The following CHMP3 variants were observed in gnomAD, a reference collection of about 807,000 sequenced individuals.
The protein encoded by CHMP3 is charged multivesicular body protein 3.
A neutral mutation model predicts 27.4 loss-of-function variants in CHMP3; 8 were observed. The ratio of observed to expected loss-of-function variants is 0.29; its 90% CI spans 0.17 to 0.53. CHMP3 has a LOEUF of 0.53. Among genes scored for constraint, CHMP3 ranks in the 20% least tolerant of loss-of-function variants. CHMP3 has a pLI of 0.96. For synonymous variants in CHMP3, 86 were observed against 85.5 expected (o/e 1.01, Z -0.03); for missense variants, 208 against 271.5 (o/e 0.77, Z 1.64).
intron 1 of CHMP3, among the ~76,000 whole-genome samples, chr2:86,549,450 G>A (rs1244319917): frequency 1.1e-4 from 16 of 145,898 alleles, no homozygotes; most frequent in African/African-American, 3.9e-4. Context: ...TCCCAGATGG[G>A]GTGGCCGGGC....
At chr2:86,514,790 C>T (rs1421021515) in intron 3 of CHMP3, among the ~76,000 whole-genome samples, 1 of 151,992 alleles carries the variant, frequency 6.6e-6, no homozygotes, top group Non-Finnish European at 1.5e-5. Flanking sequence ...TTCAAAGTAT[C>T]GTTATATATT....
intron 3 of CHMP3, among the ~76,000 whole-genome samples, chr2:86,520,550 G>A (rs1412916135): frequency 6.6e-6 from 1 of 152,128 alleles, no homozygotes; most frequent in Non-Finnish European, 1.5e-5. Context: ...AATTCAACAT[G>A]AGATTTAGGT....
intron 1 of CHMP3, among the ~76,000 whole-genome samples, chr2:86,546,556 G>C (rs958763921): frequency 3.3e-5 from 5 of 151,674 alleles, no homozygotes; most frequent in African/African-American, 1.2e-4. Flanking sequence ...TCCTGCCTCA[G>C]CCTCCCAAGT....
At chr2:86,561,712 T>A (rs1260704290) in intron 1 of CHMP3, 1 of 152,238 alleles carries the variant, frequency 6.6e-6, no homozygotes, top group Non-Finnish European at 1.5e-5. Flanking sequence ...TCAATCAGCT[T>A]TCTCAGGTAG....
At chr2:86,550,240 G>A (rs1414018716) in intron 1 of CHMP3, among the ~76,000 whole-genome samples, 1 of 152,244 alleles carries the variant, frequency 6.6e-6, no homozygotes, top group Admixed American at 6.5e-5. Flanking sequence ...GTCAGGCGTG[G>A]CGGCGCACGC....
chr2:86,545,551 G>A (rs1304268972), intron 1 of CHMP3, among the ~76,000 whole-genome samples: 15 of 113,600 alleles, frequency 1.3e-4, no homozygotes, highest in East Asian at 6.3e-4. Context: ...GGCGACTGCC[G>A]GGCAGAGGCG....
At chr2:86,521,286 C>T (rs144080411) in intron 3 of CHMP3, among the ~76,000 whole-genome samples, 18 of 152,230 alleles carry the variant, frequency 1.2e-4, no homozygotes, top group Admixed American at 3.9e-4. Flanking sequence ...CACATGGACG[C>T]GCATGAAAAC....
At chr2:86,545,923 C>G (rs558383063) in intron 1 of CHMP3, among the ~76,000 whole-genome samples, 3 of 151,788 alleles carry the variant, frequency 2.0e-5, no homozygotes, top group African/African-American at 7.3e-5. Context: ...AGAGGATGGG[C>G]GGCCAGGCAG....
chr2:86,522,083 T>G (rs1027023245), intron 3 of CHMP3, among the ~76,000 whole-genome samples: 7 of 152,164 alleles, frequency 4.6e-5, no homozygotes, highest in African/African-American at 1.7e-4. Flanking sequence ...CAGAAAGCTG[T>G]CACCTGGAAA....
chr2:86,545,414 A>G lies in CHMP3; in HGVS notation c.46-3102T>C, dbSNP rs6744033. On this transcript the variant is annotated intron_variant, in intron 1 of 5. Coordinates refer to ENST00000263856, the MANE Select transcript of CHMP3 (RefSeq NM_016079.4). The stretch of plus-strand genomic sequence containing the variant: ...CGGGCAGAGGCGCTCCCCACTTCCC[A>G]GACGGGGTGGCCGGGCAGAGGCGCT... Among the ~76,000 whole-genome samples the G allele has an allele frequency of 6.6e-3, 855 of 128,772 alleles. 38 individuals are homozygous for G. The highest frequency in any genetic ancestry group is 0.023 in the African/African-American group (711 of 31,114). 84.5% of individuals were successfully genotyped at this position (128,772 alleles called of 152,430 possible). A position where few individuals can be genotyped will look rare whatever the true frequency, so the allele number is the denominator to read the frequency against.
chr2:86,509,701 G>A (rs1675026118), intron 4 of CHMP3, among the ~76,000 whole-genome samples: 1 of 152,204 alleles, frequency 6.6e-6, no homozygotes, highest in South Asian at 2.1e-4. Context: ...CAACCAAGGT[G>A]ACCTTAGGGA....
chr2:86,543,199 C>T (rs1196594074), intron 1 of CHMP3, among the ~76,000 whole-genome samples: 1 of 152,190 alleles, frequency 6.6e-6, no homozygotes, highest in East Asian at 1.9e-4. Flanking sequence ...CATGGACATA[C>T]AGACTAAATG....
intron 3 of CHMP3, among the ~76,000 whole-genome samples, chr2:86,521,991 C>T (rs1675539362): frequency 6.6e-6 from 1 of 152,090 alleles, no homozygotes; most frequent in African/African-American, 2.4e-5. Flanking sequence ...TATTTCCTGC[C>T]CCACCTTTGA....
intron 1 of CHMP3, among the ~76,000 whole-genome samples, chr2:86,550,884 G>A (rs887889555): frequency 3.3e-5 from 5 of 152,128 alleles, no homozygotes; most frequent in African/African-American, 4.8e-5. Context: ...GTACACAGGA[G>A]GATGTACATA....
At chr2:86,552,516 C>CT (rs1676948658) in intron 1 of CHMP3, among the ~76,000 whole-genome samples, 1 of 152,176 alleles carries the variant, frequency 6.6e-6, no homozygotes, top group Admixed American at 6.5e-5. Context: ...GTTAATGTGT[C>CT]TAAGTGAAGG....
At chr2:86,528,250 C>T (rs745941709) in intron 3 of CHMP3, among the ~76,000 whole-genome samples, 43 of 152,218 alleles carry the variant, frequency 2.8e-4, no homozygotes, top group Non-Finnish European at 5.0e-4. Flanking sequence ...CATCTTCTAA[C>T]TTCTTTTGAG....
rs574307213 is a variant in CHMP3 at position 86,532,255 on chromosome 2, G to A, written c.107-2858C>T. 2.3e-4 allele frequency among the ~76,000 whole-genome samples: 35 copies of A among 152,104 alleles called. No homozygotes were observed. In the South Asian group the frequency reaches 5.8e-3, roughly 25 times the overall value. ...TAATTTCCTTTTCAGATTGTCCATCGTTAATATAGAGAAATACAATTTTTT... is the reference window on the plus strand; with the variant it reads ...TAATTTCCTTTTCAGATTGTCCATCATTAATATAGAGAAATACAATTTTTT... On this transcript the variant is annotated intron_variant, in intron 2 of 5. Coordinates refer to ENST00000263856, the MANE Select transcript of CHMP3 (RefSeq NM_016079.4).
intron 3 of CHMP3, among the ~76,000 whole-genome samples, chr2:86,525,837 T>C (rs936338866): frequency 3.9e-5 from 6 of 152,172 alleles, no homozygotes; most frequent in Non-Finnish European, 8.8e-5. Context: ...AAAATCAAGA[T>C]TTTTTTATAT....
At chr2:86,534,802 C>T (rs191946602) in intron 2 of CHMP3, among the ~76,000 whole-genome samples, 285 of 152,256 alleles carry the variant, frequency 1.9e-3, no homozygotes, top group Non-Finnish European at 3.5e-3. Flanking sequence ...ACTATGTCCA[C>T]AAAATATCTT....
Sources: gnomAD v4.1 joint callset for allele counts (sites outside exome capture counted in the v4.1 genomes callset) on GRCh38, gnomAD v4.1.1 for gene constraint, MANE v1.5 for transcripts, NCBI Gene and HGNC (gene_info 2026-07-23, HGNC 2026-07-21) for gene names.